The following PRDM12 variants were observed in gnomAD, a reference collection of about 807,000 sequenced individuals.
The protein encoded by PRDM12 is PR/SET domain 12.
PRDM12 carries 17 observed loss-of-function variants against 29.6 expected under a neutral mutation model. The observed-to-expected ratio is 0.57, with a 90% CI of 0.39 to 0.86. The LOEUF (loss-of-function observed/expected upper bound fraction) is 0.86. Among genes scored for constraint, PRDM12 ranks in the 40% least tolerant of loss-of-function variants. PRDM12 has a pLI of 0.00. For synonymous variants in PRDM12, 231 were observed against 225.8 expected (o/e 1.02, Z -0.21); for missense variants, 422 against 510.8 (o/e 0.83, Z 1.68).
chr9:130,666,477 T>C, intron 1 of PRDM12, 131 bp from the exon 2 acceptor site: 1 of 1,200,608 alleles, frequency 8.3e-7, no homozygotes, highest in African/African-American at 1.6e-5. Flanking sequence ...CCGGGTGGCT[T>C]CTCTGGATTT....
At position 130,681,927 on chromosome 9, in the gene PRDM12, C is replaced by G; in HGVS notation, c.*258C>G. On this transcript the variant is annotated 3_prime_UTR_variant, in exon 5 of 5. Coordinates refer to ENST00000253008, the MANE Select transcript of PRDM12 (RefSeq NM_021619.3). This position sits in a 1 kb window ranked among gnomAD's most constrained non-coding sequence, Gnocchi z 8.1. ...CGGCCGCCTCCTCTGGGAGGGGGTC[C>G]CCCTGCCTGGCCTCGCCCCCGAGTC... The G allele has an allele frequency of 5.2e-6, 1 of 193,268 alleles. No individual in the cohort carries two copies. The highest frequency in any genetic ancestry group is 9.5e-6 in the Non-Finnish European group (1 of 105,754). The allele number at this position is 193,268 out of a possible 1,614,324, so 12.0% of individuals were successfully genotyped here.
intron 1 of PRDM12, among the ~76,000 whole-genome samples, chr9:130,665,375 G>A (rs1249111420): frequency 6.6e-6 from 1 of 152,162 alleles, no homozygotes; most frequent in Non-Finnish European, 1.5e-5. Context: ...GAAAGAGAGA[G>A]CGAGAAAAGT....
intron 4 of PRDM12, among the ~76,000 whole-genome samples, chr9:130,680,634 A>ATATATATATAT (rs1554753095): frequency 2.8e-4 from 25 of 88,450 alleles, no homozygotes; most frequent in Non-Finnish European, 4.0e-4. Context: ...AAAAAAAAAA[A>ATATATATATAT]ATATATATAT....
intron 3 of PRDM12, among the ~76,000 whole-genome samples, chr9:130,676,453 G>A (rs1038960022): frequency 2.7e-4 from 41 of 151,980 alleles, no homozygotes; most frequent in African/African-American, 8.9e-4. Context: ...CCAAGATCGC[G>A]CCACTGCACT....
Position 130,681,605 on chromosome 9 carries a change from T to TCGCCGCCGCCGCCGCCGCCGCCGCCGC in PRDM12, c.1050_1076dup (p.Ala351_Ala359dup), listed in dbSNP as rs752427775. 1.1e-6 allele frequency: 1 copy of TCGCCGCCGCCGCCGCCGCCGCCGCCGC among 933,520 alleles called. No individual in the cohort carries two copies. Among genetic ancestry groups the TCGCCGCCGCCGCCGCCGCCGCCGCCGC allele is most frequent in the Non-Finnish European group, 1.3e-6 (1 of 786,796 alleles). 57.8% of individuals were successfully genotyped at this position (933,520 alleles called of 1,614,324 possible). A position where few individuals can be genotyped will look rare whatever the true frequency, so the allele number is the denominator to read the frequency against. ...GCCCCGCACGCGCACGCGCCCGCGC[T>TCGCCGCCGCCGCCGCCGCCGCCGCCGC]CGCCGCCGCCGCCGCCGCCGCCGCC... On this transcript the variant is annotated inframe_insertion, in exon 5 of 5. Transcript: ENST00000253008. The surrounding 1 kb of genome is among the most constrained non-coding windows in gnomAD (Gnocchi z 8.1).
At chr9:130,667,537 C>CG (rs539797278) in intron 2 of PRDM12, among the ~76,000 whole-genome samples, 64 of 152,112 alleles carry the variant, frequency 4.2e-4, no homozygotes, top group Non-Finnish European at 5.9e-4. Flanking sequence ...TCCAGCTCCC[C>CG]CCGGCGGACC....
At chr9:130,680,659 A>ATATATATATAGATATATATTTT in intron 4 of PRDM12, among the ~76,000 whole-genome samples, 1 of 72,200 alleles carries the variant, frequency 1.4e-5, no homozygotes, top group Non-Finnish European at 2.2e-5. Flanking sequence ...ATATATATAT[A>ATATATATATAGATATATATTTT]TTTTTTTTTT....
chr9:130,678,993 G>A (rs1830868670), intron 4 of PRDM12, among the ~76,000 whole-genome samples: 1 of 152,184 alleles, frequency 6.6e-6, no homozygotes. Context: ...TCTTGGAAAT[G>A]TCCTGTGCCT....
At chr9:130,667,701 C>A (rs1830746850) in intron 2 of PRDM12, among the ~76,000 whole-genome samples, 1 of 152,166 alleles carries the variant, frequency 6.6e-6, no homozygotes, top group Middle Eastern at 3.2e-3. Context: ...GCCTTGGCAG[C>A]TCCCGTGAAG....
intron 2 of PRDM12, among the ~76,000 whole-genome samples, chr9:130,667,089 A>G (rs1830740939): frequency 6.6e-6 from 1 of 152,218 alleles, no homozygotes; most frequent in South Asian, 2.1e-4. Flanking sequence ...GACCCAGAGC[A>G]GTCAGGTCGC....
intron 4 of PRDM12, 110 bp downstream of exon 4, chr9:130,678,750 T>C (rs545130707): frequency 2.4e-6 from 2 of 843,152 alleles, no homozygotes; most frequent in Admixed American, 2.6e-5. Context: ...CCAGGGACCT[T>C]GGTTCAATGT....
In PRDM12 at chr9:130,681,642, G is replaced by T. The variant is rs1214039549; in HGVS notation, c.1077G>T (p.Ala359=). The T allele has an allele frequency of 4.2e-6, 4 of 947,962 alleles. No individual in the cohort carries two copies. Among genetic ancestry groups the T allele is most frequent in the Non-Finnish European group, 4.9e-6 (4 of 810,474 alleles). 58.7% of individuals were successfully genotyped at this position (947,962 alleles called of 1,614,324 possible). The change falls in exon 5 of 5, where the codon GCG becomes GCT. Residue 359 remains alanine, a synonymous_variant. Coordinates refer to ENST00000253008, the MANE Select transcript of PRDM12 (RefSeq NM_021619.3). The surrounding 1 kb of genome is among the most constrained non-coding windows in gnomAD (Gnocchi z 8.1). The part of the protein sequence containing the change: ...AAAAAAAAAA[A]HHLPAMVL ...CCGCCGCCGCCGCCGCCGCCGCCGCGCACCACCTGCCGGCCATGGTGCTGT... is the reference window on the plus strand; with the variant it reads ...CCGCCGCCGCCGCCGCCGCCGCCGCTCACCACCTGCCGGCCATGGTGCTGT...
chr9:130,668,064 T>G lies in PRDM12; in HGVS notation c.415-94T>G. 2.8e-6 allele frequency: 4 copies of G among 1,445,672 alleles called. No homozygotes were observed. The highest frequency in any genetic ancestry group is 3.8e-6 in the Non-Finnish European group (4 of 1,047,768). The allele number at this position is 1,445,672 out of a possible 1,614,324, so 89.6% of individuals were successfully genotyped here. On this transcript the variant is annotated intron_variant, in intron 2 of 4. Transcript: ENST00000253008. This position sits in a 1 kb window ranked among gnomAD's most constrained non-coding sequence, Gnocchi z 4.0. ...AGCTTTATCCACTTCCTGGGGCTGT[T>G]GTGAGGATGGAGAGTGTGTGTGTGG...
intron 3 of PRDM12, 109 bp from the exon 4 acceptor site, chr9:130,678,420 G>A (rs1830862748): frequency 1.3e-6 from 1 of 757,574 alleles, no homozygotes; most frequent in Non-Finnish European, 2.2e-6. Context: ...GCTTTCTCAG[G>A]GCTGAGACTG....
At chr9:130,676,692 C>T (rs963790321) in intron 3 of PRDM12, among the ~76,000 whole-genome samples, 1 of 152,086 alleles carries the variant, frequency 6.6e-6, no homozygotes, top group African/African-American at 2.4e-5. Context: ...TTGGAGGCAC[C>T]GTCTAACTTC....
At chr9:130,665,694 G>C (rs752888057) in intron 1 of PRDM12, among the ~76,000 whole-genome samples, 1 of 152,156 alleles carries the variant, frequency 6.6e-6, no homozygotes. Context: ...CTTTCGAATG[G>C]AGCCGAATGA....
intron 3 of PRDM12, among the ~76,000 whole-genome samples, chr9:130,677,217 G>A (rs779721116): frequency 2.6e-5 from 4 of 152,170 alleles, no homozygotes; most frequent in Non-Finnish European, 2.9e-5. Context: ...GAGCCACCAC[G>A]CCCGACCTCC....
rs1262605486 is a variant in PRDM12 at position 130,681,793 on chromosome 9, G to A, written c.*124G>A. 8 of 887,732 alleles carry A rather than the reference G, an allele frequency of 9.0e-6. No homozygotes were observed. Among genetic ancestry groups the A allele is most frequent in the Non-Finnish European group, 1.1e-5 (8 of 740,946 alleles). The allele number at this position is 887,732 out of a possible 1,614,324, so 55.0% of individuals were successfully genotyped here. A position where few individuals can be genotyped will look rare whatever the true frequency, so the allele number is the denominator to read the frequency against. ...GCCGCCGCGGAGCCCCGCGCGCTGG[G>A]GTTGCGCCCCGGAGGCGGATCTCAG... is the stretch of plus-strand genomic sequence containing the variant. On this transcript the variant is annotated 3_prime_UTR_variant, in exon 5 of 5. Transcript: ENST00000253008. This position sits in a 1 kb window ranked among gnomAD's most constrained non-coding sequence, Gnocchi z 8.1.
chr9:130,671,261 C>G (rs921701529), intron 3 of PRDM12, among the ~76,000 whole-genome samples: 1 of 152,034 alleles, frequency 6.6e-6, no homozygotes, highest in Non-Finnish European at 1.5e-5. Context: ...AGGAGAATTG[C>G]CTGAACCCAG....
Sources: allele counts gnomAD v4.1 joint callset (sites outside exome capture counted in the v4.1 genomes callset), GRCh38; gene constraint gnomAD v4.1.1; non-coding constraint Gnocchi (gnomAD v3.1); transcripts MANE v1.5; gene names NCBI Gene and HGNC (gene_info 2026-07-23, HGNC 2026-07-21).